The following NELL1 variants were observed in gnomAD, a reference collection of about 807,000 sequenced individuals.
NELL1 encodes neural EGFL like 1, also known as protein kinase C-binding protein NELL1.
Under a neutral mutation model 107.4 loss-of-function variants are expected in NELL1, and 76 were observed. The observed-to-expected ratio is 0.71, with a 90% confidence interval of 0.59 to 0.86. NELL1 has a LOEUF of 0.86. Ranked by LOEUF, NELL1 falls within the 40% of genes least tolerant of loss-of-function variation. The probability of loss-of-function intolerance (pLI) is 0.00; values close to 1 mark genes in which losing one functional copy is unlikely to be tolerated. For missense variants in NELL1, 1,024 were observed against 1,005.5 expected, an observed-to-expected ratio of 1.02 and a Z score of -0.25; for synonymous variants, 353 against 341.2, an observed-to-expected ratio of 1.03 and a Z score of -0.38.
At chr11:20,869,172 T>A (rs1004166494) in intron 4 of NELL1, among the ~76,000 whole-genome samples, 2 of 152,224 alleles carry the variant, frequency 1.3e-5, no homozygotes, top group Admixed American at 6.5e-5. Flanking sequence ...TTTGTTTACT[T>A]AACTGATGTT....
intron 15 of NELL1, among the ~76,000 whole-genome samples, chr11:21,430,608 C>G (rs1315412974): frequency 2.7e-4 from 41 of 152,116 alleles, no homozygotes; most frequent in Admixed American, 2.6e-3. Flanking sequence ...TTAATCCCCT[C>G]AAATAGAATC....
chr11:20,832,470 C>T (rs751607278), intron 3 of NELL1, among the ~76,000 whole-genome samples: 1 of 152,110 alleles, frequency 6.6e-6, no homozygotes, highest in Non-Finnish European at 1.5e-5. Context: ...TGTTTTTGTT[C>T]ATCATTGTGT....
chr11:20,724,385 G>A (rs10766716), intron 2 of NELL1, among the ~76,000 whole-genome samples: 107,816 of 152,078 alleles, frequency 0.71, 41,348 homozygotes, highest in East Asian at 0.95. Flanking sequence ...CTCTTCGTGA[G>A]CATATATAAC....
intron 2 of NELL1, 26 bp from the exon 3 acceptor site, chr11:20,783,654 C>T: frequency 6.3e-7 from 1 of 1,591,754 alleles, no homozygotes; most frequent in Non-Finnish European, 8.6e-7. Flanking sequence ...CTCCTGTTTC[C>T]TCCTGCTTTT....
At chr11:20,896,570 A>G (rs1297114221) in intron 5 of NELL1, among the ~76,000 whole-genome samples, 1 of 152,142 alleles carries the variant, frequency 6.6e-6, no homozygotes, top group Non-Finnish European at 1.5e-5. Flanking sequence ...ATAGGGGTTA[A>G]TAGTTTACAT....
At chr11:21,274,124 C>A (rs1412861641) in intron 14 of NELL1, among the ~76,000 whole-genome samples, 2 of 152,132 alleles carry the variant, frequency 1.3e-5, no homozygotes, top group Non-Finnish European at 2.9e-5. Flanking sequence ...GATAAAGAGT[C>A]CAGACCCATC....
chr11:20,712,592 C>G (rs1355278965), intron 2 of NELL1, among the ~76,000 whole-genome samples: 1 of 152,308 alleles, frequency 6.6e-6, no homozygotes, highest in Non-Finnish European at 1.5e-5. Flanking sequence ...GGTTCCTTCT[C>G]TTTTGGGTAG....
chr11:20,857,603 G>A (rs1297658500), intron 4 of NELL1, among the ~76,000 whole-genome samples: 1 of 152,206 alleles, frequency 6.6e-6, no homozygotes, highest in Admixed American at 6.5e-5. Flanking sequence ...CACCAAGAAG[G>A]AACGCATCTT....
At chr11:21,306,078 T>C (rs1043448398) in intron 14 of NELL1, among the ~76,000 whole-genome samples, 3 of 151,942 alleles carry the variant, frequency 2.0e-5, no homozygotes, top group Non-Finnish European at 4.4e-5. Context: ...AGATTATATT[T>C]ATTAGCCAGT....
At chr11:20,947,298 G>T (rs758464182) in intron 10 of NELL1, 38 bp from the exon 11 acceptor site, 18 of 1,398,526 alleles carry the variant, frequency 1.3e-5, no homozygotes, top group Non-Finnish European at 1.8e-5. Context: ...GACTAAAAAT[G>T]TGAACATCTT....
chr11:21,034,243 C>A (rs916151566), intron 12 of NELL1, among the ~76,000 whole-genome samples: 1 of 152,138 alleles, frequency 6.6e-6, no homozygotes, highest in Non-Finnish European at 1.5e-5. Flanking sequence ...CCCAGTTATC[C>A]AGCACCATTT....
At chr11:21,167,697 T>C (rs1856516393) in intron 13 of NELL1, among the ~76,000 whole-genome samples, 1 of 151,850 alleles carries the variant, frequency 6.6e-6, no homozygotes, top group South Asian at 2.1e-4. Context: ...TATTCTCCAG[T>C]TATGTTGGTC....
intron 14 of NELL1, among the ~76,000 whole-genome samples, chr11:21,342,419 G>GGA (rs957908427): frequency 1.4e-5 from 2 of 147,534 alleles, no homozygotes; most frequent in Non-Finnish European, 3.0e-5. Flanking sequence ...AGTGGGGGGG[G>GGA]GGGTCACTTG....
intron 13 of NELL1, among the ~76,000 whole-genome samples, chr11:21,209,966 T>C (rs929746432): frequency 6.6e-6 from 1 of 152,184 alleles, no homozygotes; most frequent in Non-Finnish European, 1.5e-5. Flanking sequence ...GGACATTTTA[T>C]ATAAATAGGA....
chr11:21,091,876 C>A (rs1053850653), intron 12 of NELL1, among the ~76,000 whole-genome samples: 4 of 152,178 alleles, frequency 2.6e-5, no homozygotes, highest in African/African-American at 9.7e-5. Context: ...ATTCTTCTCT[C>A]AGGGTAGGCC....
chr11:21,302,275 G>T (rs1172276442), intron 14 of NELL1, among the ~76,000 whole-genome samples: 1 of 151,982 alleles, frequency 6.6e-6, no homozygotes, highest in Non-Finnish European at 1.5e-5. Context: ...TCACTGTCAT[G>T]GCTAGTAGTT....
intron 16 of NELL1, among the ~76,000 whole-genome samples, chr11:21,539,259 A>G (rs1856227005): frequency 6.6e-6 from 1 of 152,010 alleles, no homozygotes; most frequent in Non-Finnish European, 1.5e-5. Flanking sequence ...GCCCCACAAT[A>G]ATATCTAGGG....
intron 5 of NELL1, among the ~76,000 whole-genome samples, chr11:20,888,319 A>G (rs748234726): frequency 2.6e-5 from 4 of 151,958 alleles, no homozygotes; most frequent in Non-Finnish European, 5.9e-5. Context: ...TCTGTTTAAT[A>G]TGTGTGAATA....
At chr11:21,557,113 A>G (rs1036727269) in intron 16 of NELL1, among the ~76,000 whole-genome samples, 14 of 152,024 alleles carry the variant, frequency 9.2e-5, no homozygotes, top group African/African-American at 3.4e-4. Context: ...ATTACTAAGA[A>G]TATGAATAAT....
Sources: gnomAD v4.1 joint callset for allele counts (sites outside exome capture counted in the v4.1 genomes callset) on GRCh38, gnomAD v4.1.1 for gene constraint, MANE v1.5 for transcripts, NCBI Gene and HGNC (gene_info 2026-07-23, HGNC 2026-07-21) for gene names.